OPCML: variants seen among roughly 807,000 people sequenced by gnomAD.
OPCML encodes opioid-binding protein/cell adhesion molecule.
In OPCML, 13 loss-of-function variants were observed where a neutral mutation model predicts 37.8. The observed-to-expected ratio is 0.34, with a 90% confidence interval of 0.22 to 0.55. The LOEUF (loss-of-function observed/expected upper bound fraction) is 0.55, where lower values mean the gene tolerates loss of function less well. OPCML is among the 20% of genes least tolerant of loss of function. The probability of loss-of-function intolerance (pLI) is 0.91; values close to 1 mark genes in which losing one functional copy is unlikely to be tolerated. For synonymous variants in OPCML, 176 were observed against 168.8 expected (o/e 1.04, Z -0.33); for missense variants, 341 against 435.6 (o/e 0.78, Z 1.93).
chr11:132,698,709 A>G (rs3016507), intron 2 of OPCML, among the ~76,000 whole-genome samples: 73,952 of 151,826 alleles, frequency 0.49, 18,187 homozygotes, highest in Admixed American at 0.56. Context: ...CATTGCCCAG[A>G]CCAATTTCAA....
At chr11:132,865,505 A>G (rs1000736734) in intron 2 of OPCML, among the ~76,000 whole-genome samples, 2 of 152,232 alleles carry the variant, frequency 1.3e-5, no homozygotes, top group African/African-American at 4.8e-5. Flanking sequence ...TCTAGGCCTC[A>G]GCATTAGCAT....
intron 1 of OPCML, among the ~76,000 whole-genome samples, chr11:133,120,452 T>G (rs1949403133): frequency 6.6e-6 from 1 of 152,166 alleles, no homozygotes; most frequent in Admixed American, 6.5e-5. Context: ...TCCCGAGCAC[T>G]TACCCCATGC....
chr11:133,377,546 C>A (rs544813791), intron 1 of OPCML, among the ~76,000 whole-genome samples: 167 of 143,008 alleles, frequency 1.2e-3, no homozygotes, highest in Non-Finnish European at 2.2e-3. Flanking sequence ...GTGGCCCCAA[C>A]CTCCACCTTC....
chr11:133,200,971 C>T (rs540245339), intron 1 of OPCML, among the ~76,000 whole-genome samples: 1 of 152,278 alleles, frequency 6.6e-6, no homozygotes, highest in East Asian at 1.9e-4. Flanking sequence ...GAAATTATGT[C>T]GTTTGCAGAA....
chr11:133,521,239 C>A (rs1368690564), intron 1 of OPCML, among the ~76,000 whole-genome samples: 1 of 152,172 alleles, frequency 6.6e-6, no homozygotes, highest in Non-Finnish European at 1.5e-5. Flanking sequence ...GAGAGAATTA[C>A]AGGTATTCAA....
intron 4 of OPCML, among the ~76,000 whole-genome samples, chr11:132,452,588 C>T (rs955373226): frequency 6.6e-6 from 1 of 150,874 alleles, no homozygotes; most frequent in South Asian, 2.1e-4. Flanking sequence ...TTCCTACTTT[C>T]CTTCCTTCCT....
chr11:133,157,549 G>A (rs977945601), intron 1 of OPCML, among the ~76,000 whole-genome samples: 2 of 152,176 alleles, frequency 1.3e-5, no homozygotes, highest in Non-Finnish European at 2.9e-5. Context: ...TATCAGCAAT[G>A]CCCATCCTTC....
chr11:132,789,571 G>A (rs936547704), intron 2 of OPCML, among the ~76,000 whole-genome samples: 2 of 152,148 alleles, frequency 1.3e-5, no homozygotes, highest in Admixed American at 1.3e-4. Flanking sequence ...AGCTGTTTCT[G>A]GACAAATGGA....
chr11:133,196,470 C>T (rs1938540369), intron 1 of OPCML, among the ~76,000 whole-genome samples: 3 of 152,128 alleles, frequency 2.0e-5, no homozygotes, highest in Admixed American at 1.3e-4. Context: ...ATCTAAGCCC[C>T]TTGGTGAAGG....
At chr11:132,490,356 AAC>A (rs543809484) in intron 4 of OPCML, among the ~76,000 whole-genome samples, 78 of 152,080 alleles carry the variant, frequency 5.1e-4, no homozygotes, top group African/African-American at 1.8e-3. Flanking sequence ...ACTTCACTGG[AAC>A]TGCCATTGAG....
intron 1 of OPCML, among the ~76,000 whole-genome samples, chr11:133,471,770 T>A (rs968391860): frequency 2.6e-5 from 4 of 152,192 alleles, no homozygotes; most frequent in Non-Finnish European, 5.9e-5. Flanking sequence ...TTGAATAGGT[T>A]ATTTTCAAAA....
In OPCML at chr11:132,439,920, A is replaced by C. The variant is rs564696591; in HGVS notation, c.506-2561T>G. ...CTTTCCTTAGAGAGAAGAAAGACCC[A>C]GATCATGCTGCTTGGTGGACCTCAG... On this transcript the variant is annotated intron_variant, in intron 4 of 7. Transcript: ENST00000524381. Among the ~76,000 whole-genome samples, 17 of 152,308 alleles carry C rather than the reference A, an allele frequency of 1.1e-4. 1 individual carries two copies. The South Asian group carries it at 3.5e-3, about 32-fold the overall frequency.
intron 7 of OPCML, among the ~76,000 whole-genome samples, chr11:132,422,470 C>G (rs1454838253): frequency 1.3e-5 from 2 of 152,172 alleles, no homozygotes; most frequent in Non-Finnish European, 2.9e-5. Flanking sequence ...CAGTCATATT[C>G]AGCTTCTGTT....
chr11:132,734,288 G>T (rs550778253), intron 2 of OPCML, among the ~76,000 whole-genome samples: 1 of 152,094 alleles, frequency 6.6e-6, no homozygotes, highest in Non-Finnish European at 1.5e-5. Flanking sequence ...ATCCAGAGAG[G>T]CCTGTGCATC....
At chr11:132,713,190 A>ATACGCTTCG (rs1453514039) in intron 2 of OPCML, among the ~76,000 whole-genome samples, 4 of 151,660 alleles carry the variant, frequency 2.6e-5, no homozygotes, top group Non-Finnish European at 5.9e-5. Context: ...TCATGAAATT[A>ATACGCTTCG]TAATGACACG....
intron 4 of OPCML, among the ~76,000 whole-genome samples, chr11:132,523,873 G>A (rs1490281228): frequency 6.6e-6 from 1 of 152,184 alleles, no homozygotes; most frequent in East Asian, 1.9e-4. Flanking sequence ...AAATTCACTT[G>A]TATGAAATAG....
At position 133,375,081 on chromosome 11, in the gene OPCML, G is replaced by A. The variant is rs535056520; in HGVS notation, c.61+157183C>T. ...CTGCTCTCTCACTCCTGCAAAGCAC[G>A]TGCTCTCTCCTTCTCCATCTTTACA... is the stretch of plus-strand genomic sequence containing the variant. On this transcript the variant is annotated intron_variant, in intron 1 of 7. Transcript: ENST00000524381. Among the ~76,000 whole-genome samples, 3 of 152,212 alleles carry A rather than the reference G, an allele frequency of 2.0e-5. No homozygotes were observed. The South Asian group carries it at 6.2e-4, about 32-fold the overall frequency.
chr11:133,395,476 C>T (rs1225843376), intron 1 of OPCML, among the ~76,000 whole-genome samples: 1 of 152,160 alleles, frequency 6.6e-6, no homozygotes, highest in Non-Finnish European at 1.5e-5. Flanking sequence ...TTGCCCAGTC[C>T]AATGTCCTGG....
At chr11:132,896,126 A>C (rs1210852374) in intron 2 of OPCML, among the ~76,000 whole-genome samples, 2 of 152,196 alleles carry the variant, frequency 1.3e-5, no homozygotes, top group Non-Finnish European at 2.9e-5. Flanking sequence ...GGATCAAAAA[A>C]CATGAGCCAC....
Sources: allele counts gnomAD v4.1 joint callset (sites outside exome capture counted in the v4.1 genomes callset), GRCh38; gene constraint gnomAD v4.1.1; transcripts MANE v1.5; gene names NCBI Gene and HGNC (gene_info 2026-07-23, HGNC 2026-07-21).